WDFY4: variants seen among roughly 807,000 people sequenced by gnomAD.
WDFY4 encodes WDFY family member 4.
WDFY4 carries 169 observed loss-of-function variants against 351.9 expected under a neutral mutation model. The ratio of observed to expected loss-of-function variants is 0.48; its 90% CI spans 0.42 to 0.55. WDFY4 has a LOEUF of 0.55. Among genes scored for constraint, WDFY4 ranks in the 20% least tolerant of loss-of-function variants. The probability of loss-of-function intolerance (pLI) is 0.00; values close to 1 mark genes in which losing one functional copy is unlikely to be tolerated. For synonymous variants in WDFY4, 1,622 were observed against 1,574.6 expected (o/e 1.03, Z -0.71); for missense variants, 3,803 against 3,935.6 (o/e 0.97, Z 0.90).
intron 7 of WDFY4, 144 bp downstream of exon 7, chr10:48,727,803 G>T (rs1039487795): frequency 1.9e-6 from 2 of 1,066,738 alleles, no homozygotes; most frequent in Non-Finnish European, 2.6e-6. Context: ...GTGATTCATT[G>T]TGCAGACAGG....
intron 41 of WDFY4, among the ~76,000 whole-genome samples, chr10:48,874,127 A>G (rs1298256550): frequency 6.6e-6 from 1 of 152,244 alleles, no homozygotes; most frequent in South Asian, 2.1e-4. Context: ...TGCAAATCCC[A>G]TAACAAATTT....
intron 42 of WDFY4, among the ~76,000 whole-genome samples, chr10:48,876,611 T>A (rs1589796807): frequency 6.6e-6 from 1 of 150,686 alleles, no homozygotes; most frequent in Non-Finnish European, 1.5e-5. Flanking sequence ...AAGTTTTTTT[T>A]ACAATAAAAG....
At chr10:48,838,163 A>G (rs2068470158) in intron 39 of WDFY4, among the ~76,000 whole-genome samples, 1 of 152,236 alleles carries the variant, frequency 6.6e-6, no homozygotes, top group Admixed American at 6.5e-5. Context: ...ATTGCTAAAA[A>G]AAGCAAAAGC....
chr10:48,876,670 G>A (rs1269238572), intron 42 of WDFY4, among the ~76,000 whole-genome samples: 1 of 152,210 alleles, frequency 6.6e-6, no homozygotes, highest in African/African-American at 2.4e-5. Context: ...AAGAGTGAAT[G>A]AAGTGAAATT....
chr10:48,981,008 C>T (rs1279845292), intron 60 of WDFY4, among the ~76,000 whole-genome samples: 6 of 152,202 alleles, frequency 3.9e-5, no homozygotes, highest in Non-Finnish European at 7.3e-5. Context: ...CTGCATTACA[C>T]CCTGGCAGCA....
chr10:48,890,423 A>G (rs1325607682), intron 43 of WDFY4, among the ~76,000 whole-genome samples, 156 bp from the exon 44 acceptor site: 1 of 152,182 alleles, frequency 6.6e-6, no homozygotes, highest in Admixed American at 6.5e-5. Flanking sequence ...TGTGAAGAGC[A>G]GTACAGTCCT....
At chr10:48,823,166 CCTT>C (rs1299781094) in intron 35 of WDFY4, 1 of 1,285,348 alleles carries the variant, frequency 7.8e-7, no homozygotes, top group Non-Finnish European at 1.0e-6. Flanking sequence ...TTGAAAGAGA[CCTT>C]TTTTTTTTTT....
chr10:48,749,742 C>A (rs900262586), intron 12 of WDFY4, among the ~76,000 whole-genome samples: 1 of 152,120 alleles, frequency 6.6e-6, no homozygotes, highest in African/African-American at 2.4e-5. Flanking sequence ...AGGACTGTGG[C>A]ATCATGGGGT....
At chr10:48,854,167 T>A (rs1246560425) in intron 39 of WDFY4, among the ~76,000 whole-genome samples, 2 of 151,340 alleles carry the variant, frequency 1.3e-5, no homozygotes, top group African/African-American at 4.9e-5. Flanking sequence ...TGGAGTACAG[T>A]GGTGCGATCT....
At chr10:48,854,565 A>G (rs1048288456) in intron 39 of WDFY4, among the ~76,000 whole-genome samples, 2 of 152,204 alleles carry the variant, frequency 1.3e-5, no homozygotes, top group African/African-American at 2.4e-5. Flanking sequence ...GAGAGGTCCT[A>G]GTAACCTCAT....
chr10:48,793,019 A>C (rs2066734804), intron 23 of WDFY4, among the ~76,000 whole-genome samples: 2 of 152,222 alleles, frequency 1.3e-5, no homozygotes, highest in Admixed American at 1.3e-4. Context: ...TAAAAAAGGA[A>C]GCTCATCAAG....
chr10:48,842,656 T>A (rs1481916288), intron 39 of WDFY4, among the ~76,000 whole-genome samples: 1 of 152,250 alleles, frequency 6.6e-6, no homozygotes, highest in Non-Finnish European at 1.5e-5. Flanking sequence ...CTCAGCTAGT[T>A]GATAAAAATT....
At chr10:48,766,011 G>A (rs917169669) in intron 13 of WDFY4, among the ~76,000 whole-genome samples, 4 of 152,314 alleles carry the variant, frequency 2.6e-5, no homozygotes, top group African/African-American at 9.6e-5. Context: ...TGAACTAATT[G>A]TATGAGTTTC....
Position 48,786,623 on chromosome 10 carries a change from C to T in WDFY4, c.3577-16C>T, listed in dbSNP as rs1565195914. 2.6e-6 allele frequency: 4 copies of T among 1,543,528 alleles called. No individual in the cohort carries two copies. The highest frequency in any genetic ancestry group is 3.5e-6 in the Non-Finnish European group (4 of 1,142,350). On this transcript the variant is annotated splice_polypyrimidine_tract_variant and intron_variant, in intron 19 of 61. Coordinates refer to ENST00000325239, the MANE Select transcript of WDFY4 (RefSeq NM_001394531.1). Reference sequence around the variant, plus strand: ...AGATCAAACACTACTCACTCTTGTCCTTTTTATTTTAACAGATGTTATACA... The same window carrying T: ...AGATCAAACACTACTCACTCTTGTCTTTTTTATTTTAACAGATGTTATACA...
chr10:48,777,049 T>C, intron 16 of WDFY4, 65 bp downstream of exon 16: 1 of 1,468,372 alleles, frequency 6.8e-7, no homozygotes. Context: ...TGATGAATTA[T>C]AATATTGATT....
chr10:48,788,573 A>G lies in WDFY4; in HGVS notation c.3852A>G (p.Glu1284=). Residue 1284 remains glutamate (E), a synonymous_variant, in exon 21 of 62, where the codon GAA becomes GAG. Coordinates refer to ENST00000325239, the MANE Select transcript of WDFY4 (RefSeq NM_001394531.1). ...DSEATPFVAE[E]RVSFGLHIAS... The stretch of plus-strand genomic sequence containing the variant: ...AAGCCACGCCCTTTGTTGCAGAAGA[A>G]AGAGTTTCTTTTGGACTTCACATAG... The G allele has an allele frequency of 6.4e-7, 1 of 1,552,008 alleles. No individual in the cohort carries two copies. The highest frequency in any genetic ancestry group is 8.7e-7 in the Non-Finnish European group (1 of 1,147,030).
chr10:48,957,417 C>A, intron 52 of WDFY4, 135 bp downstream of exon 52: 1 of 1,165,940 alleles, frequency 8.6e-7, no homozygotes, highest in Non-Finnish European at 1.2e-6. Context: ...GAGGTCTCCA[C>A]TGGGCAGCAG....
chr10:48,957,496 C>G (rs184485449), intron 52 of WDFY4, among the ~76,000 whole-genome samples: 1 of 152,314 alleles, frequency 6.6e-6, no homozygotes, highest in African/African-American at 2.4e-5. Flanking sequence ...TGCTGAGCCA[C>G]CACCCGACCT....
At chr10:48,782,055 G>C (rs1187531036) in intron 19 of WDFY4, among the ~76,000 whole-genome samples, 1 of 152,148 alleles carries the variant, frequency 6.6e-6, no homozygotes, top group Non-Finnish European at 1.5e-5. Context: ...GTTCTGAATT[G>C]GGTGCTGCTG....
Sources: gnomAD v4.1 joint callset for allele counts (sites outside exome capture counted in the v4.1 genomes callset) on GRCh38, gnomAD v4.1.1 for gene constraint, MANE v1.5 for transcripts, NCBI Gene and HGNC (gene_info 2026-07-23, HGNC 2026-07-21) for gene names.